The following SNAPC4 variants were observed in gnomAD, a reference collection of about 807,000 sequenced individuals.
SNAPC4 encodes the protein small nuclear RNA activating complex polypeptide 4, also known as snRNA-activating protein complex subunit 4.
SNAPC4 carries 127 observed loss-of-function variants against 151.3 expected under a neutral mutation model. That is an observed-to-expected ratio of 0.84 (90% confidence interval 0.73 to 0.97). The LOEUF is 0.97. Ranked by LOEUF, SNAPC4 falls within the 50% of genes least tolerant of loss-of-function variation. The pLI, the probability that SNAPC4 is intolerant of heterozygous loss-of-function variation, is 0.00. For synonymous variants in SNAPC4, 1,002 were observed against 824.4 expected (o/e 1.22, Z -3.69); for missense variants, 2,186 against 1,935.0 (o/e 1.13, Z -2.43).
intron 1 of SNAPC4, among the ~76,000 whole-genome samples, chr9:136,399,475 T>G (rs560565484): frequency 2.0e-5 from 3 of 152,270 alleles, no homozygotes; most frequent in Non-Finnish European, 4.4e-5. Context: ...TCTGGAAGCC[T>G]CACACGAGGC....
chr9:136,394,925 C>T, intron 5 of SNAPC4, 47 bp from the exon 6 acceptor site: 1 of 1,517,008 alleles, frequency 6.6e-7, no homozygotes, highest in Non-Finnish European at 9.1e-7. Context: ...ACATGTGCTC[C>T]CTGCAGGCCC....
At chr9:136,392,458 T>C in intron 9 of SNAPC4, 64 bp downstream of exon 9, 6 of 1,524,888 alleles carry the variant, frequency 3.9e-6, no homozygotes, top group Non-Finnish European at 5.4e-6. Context: ...CAATTCCAAC[T>C]GCACCCGGGC....
intron 7 of SNAPC4, 59 bp from the exon 8 acceptor site, chr9:136,392,836 T>C (rs1369050235): frequency 2.2e-6 from 3 of 1,374,954 alleles, no homozygotes; most frequent in Non-Finnish European, 3.1e-6. Flanking sequence ...GCGGGGCAGG[T>C]TCTCTGCACA....
Position 136,375,746 on chromosome 9 carries a change from G to C in SNAPC4, c.*62C>G, listed in dbSNP as rs979998560. ...CCTCTGGCTGCCTCTCTTGCAGGCTGGGGGTGGGCTGTCTCTCGTCAGCAG... is the reference window on the plus strand; with the variant it reads ...CCTCTGGCTGCCTCTCTTGCAGGCTCGGGGTGGGCTGTCTCTCGTCAGCAG... On this transcript the variant is annotated 3_prime_UTR_variant, in exon 24 of 24. Transcript: ENST00000684778. 6.6e-6 allele frequency: 1 copy of C among 152,292 alleles called. No individual in the cohort carries two copies. The allele number at this position is 152,292 out of a possible 1,614,324, so 9.4% of individuals were successfully genotyped here. A position where few individuals can be genotyped will look rare whatever the true frequency, so the allele number is the denominator to read the frequency against.
At position 136,381,391 on chromosome 9, in the gene SNAPC4, C is replaced by T. The variant is rs751195369; in HGVS notation, c.2319G>A (p.Ala773=). The stretch of plus-strand genomic sequence containing the variant: ...GCTGCAGCTGCTCCCTGAGGCCATC[C>T]GCTGCGGGCACAGGGGGATAAGTGG... ...SQRPAVVQTQ[A]DGLREQLQQA... The change falls in exon 19 of 24, where the codon GCG becomes GCA. Residue 773 remains alanine (A), a splice_region_variant and synonymous_variant. Transcript: ENST00000684778. 65 of 1,612,264 alleles carry T rather than the reference C, an allele frequency of 4.0e-5. No homozygotes were observed. Among genetic ancestry groups the T allele is most frequent in the East Asian group, 2.2e-4 (10 of 44,880 alleles).
Position 136,394,271 on chromosome 9 carries a change from A to G in SNAPC4, c.610T>C (p.Leu204=), listed in dbSNP as rs1377789311. ...TACTTCAGTAACTTGGGCTGAAGCA[A>G]TCGCTGCAGGCGGTCACTCACCACT... is the stretch of plus-strand genomic sequence containing the variant. ...KSVVSDRLQR[L]LQPKLLKLEY... is the part of the protein sequence containing the mutation. Residue 204 remains leucine, a synonymous_variant, in exon 7 of 24, where the codon TTG becomes CTG. Transcript: ENST00000684778. 3 of 1,613,896 alleles carry G rather than the reference A, an allele frequency of 1.9e-6. No individual in the cohort carries two copies. Among genetic ancestry groups the G allele is most frequent in the South Asian group, 2.2e-5 (2 of 91,090 alleles).
intron 23 of SNAPC4, 47 bp downstream of exon 23, chr9:136,376,300 ACT>A (rs1833442293): frequency 6.2e-7 from 1 of 1,602,358 alleles, no homozygotes; most frequent in Non-Finnish European, 8.5e-7. Context: ...TCTGGACACC[ACT>A]CTGTCCCCTG....
rs144874677 is a variant in SNAPC4 at position 136,377,887 on chromosome 9, G to C, written c.3940C>G (p.Leu1314Val). 6.2e-7 allele frequency: 1 copy of C among 1,611,472 alleles called. No homozygotes were observed. Among genetic ancestry groups the C allele is most frequent in the African/African-American group, 1.3e-5 (1 of 75,034 alleles). The stretch of plus-strand genomic sequence containing the variant: ...TTCTTGTGGAGTAGGAGACCGGACA[G>C]AGCTCGCAGGCTGCACAGGGCTGGG... ...QPPALCSLRA[L>V]SGLLLHKKAL... The change falls in exon 22 of 24, where the codon CTG becomes GTG. Residue 1314 changes from leucine to valine, a missense_variant. Physicochemically the swap from Leu to Val is conservative, Grantham distance 32 (BLOSUM62 1). Coordinates refer to ENST00000684778, the MANE Select transcript of SNAPC4 (RefSeq NM_003086.4).
rs73670250 is a variant in SNAPC4, at chr9:136,394,436, C to T, written c.551-106G>A. The T allele has an allele frequency of 1.7e-4, 160 of 966,234 alleles. No individual in the cohort carries two copies. The African/African-American group carries it at 2.2e-3, about 13-fold the overall frequency. 59.9% of individuals were successfully genotyped at this position (966,234 alleles called of 1,614,324 possible). On this transcript the variant is annotated intron_variant, in intron 6 of 23. Coordinates refer to ENST00000684778, the MANE Select transcript of SNAPC4 (RefSeq NM_003086.4). ...GAGGCAGTGGTGGGGGGCCCCACAG[C>T]GAGTAAGCAGCACGCCAGACCTACT...
intron 13 of SNAPC4, among the ~76,000 whole-genome samples, chr9:136,386,794 C>A (rs1833904877): frequency 6.6e-6 from 1 of 151,640 alleles, no homozygotes; most frequent in Non-Finnish European, 1.5e-5. Context: ...GCTCTGTCAC[C>A]CAGGCTGGAG....
chr9:136,378,052 G>T lies in SNAPC4; in HGVS notation c.3775C>A (p.Leu1259Ile). 6.3e-7 allele frequency: 1 copy of T among 1,578,698 alleles called. No homozygotes were observed. The highest frequency in any genetic ancestry group is 8.6e-7 in the Non-Finnish European group (1 of 1,163,140). Reference sequence around the variant, plus strand: ...CCCTTCTCAGGCCCAGGCTGGGGTAGGGGCGGCTTCTCCAGGTCCAGGGCC... The same window carrying T: ...CCCTTCTCAGGCCCAGGCTGGGGTATGGGCGGCTTCTCCAGGTCCAGGGCC... Reference protein sequence around the residue: ...KGALDLEKPPLPQPGPEKGAL... With the variant: ...KGALDLEKPPIPQPGPEKGAL... The change falls in exon 22 of 24, where the codon CTA becomes ATA. Residue 1259 changes from leucine to isoleucine, a missense_variant. By Grantham distance (5) the Leu-to-Ile change is conservative. Coordinates refer to ENST00000684778, the MANE Select transcript of SNAPC4 (RefSeq NM_003086.4).
At chr9:136,396,406 T>A (rs999853497) in intron 3 of SNAPC4, among the ~76,000 whole-genome samples, 3 of 152,262 alleles carry the variant, frequency 2.0e-5, no homozygotes, top group African/African-American at 7.2e-5. Flanking sequence ...CAGGTGCTGT[T>A]TGGGTGCTTG....
chr9:136,396,962 C>G lies in SNAPC4; in HGVS notation c.177+15G>C. The G allele has an allele frequency of 6.2e-7, 1 of 1,612,348 alleles. No individual in the cohort carries two copies. Among genetic ancestry groups the G allele is most frequent in the Non-Finnish European group, 8.5e-7 (1 of 1,179,374 alleles). On this transcript the variant is annotated intron_variant, in intron 3 of 23. Transcript: ENST00000684778. ...GCCTGACCCAGTGGCACAGCCAGAT[C>G]AGGCCAACAGTTACCGAGATCGGGG...
chr9:136,395,234 G>A, intron 5 of SNAPC4, 64 bp downstream of exon 5: 1 of 1,560,492 alleles, frequency 6.4e-7, no homozygotes, highest in Non-Finnish European at 8.7e-7. Flanking sequence ...AGCAGGACTT[G>A]GGGACAAGAA....
chr9:136,383,542 C>CGCTGCTGCT lies in SNAPC4; in HGVS notation c.1618_1626dup (p.Ser540_Ser542dup), dbSNP rs147271628. ...TGCGCCTGCTCTGGCTCGTCCTCCT[C>CGCTGCTGCT]GCTGCTGCTGCTGCTGCTGCTGCTG... On this transcript the variant is annotated inframe_insertion, in exon 16 of 24. Transcript: ENST00000684778. This position sits in a 1 kb window ranked among gnomAD's most constrained non-coding sequence, Gnocchi z 4.2. 2.5e-4 allele frequency: 395 copies of CGCTGCTGCT among 1,590,776 alleles called. No homozygotes were observed. The highest frequency in any genetic ancestry group is 1.7e-3 in the African/African-American group (123 of 74,448).
intron 7 of SNAPC4, among the ~76,000 whole-genome samples, chr9:136,393,625 C>T (rs1450881183): frequency 6.6e-6 from 1 of 152,106 alleles, no homozygotes; most frequent in Non-Finnish European, 1.5e-5. Context: ...CACCCCTCAT[C>T]ATGGCCGTGT....
chr9:136,399,807 AC>A (rs1834392231), intron 1 of SNAPC4, among the ~76,000 whole-genome samples: 1 of 151,978 alleles, frequency 6.6e-6, no homozygotes, highest in Non-Finnish European at 1.5e-5. Flanking sequence ...AACTGGGGAA[AC>A]CCCCTCCGAG....
chr9:136,380,035 C>T (rs1045790075), intron 20 of SNAPC4, among the ~76,000 whole-genome samples, 171 bp from the exon 21 acceptor site: 8 of 152,222 alleles, frequency 5.3e-5, no homozygotes, highest in African/African-American at 1.7e-4. Flanking sequence ...ACAGAAGGAG[C>T]CAAGCATGTG....
chr9:136,399,912 C>A (rs1307388232), intron 1 of SNAPC4, among the ~76,000 whole-genome samples: 1 of 152,124 alleles, frequency 6.6e-6, no homozygotes, highest in Non-Finnish European at 1.5e-5. Context: ...TCGGAGCCCG[C>A]AGCCCGCTCC....
Sources: allele counts gnomAD v4.1 joint callset (sites outside exome capture counted in the v4.1 genomes callset), GRCh38; gene constraint gnomAD v4.1.1; non-coding constraint Gnocchi (gnomAD v3.1); transcripts MANE v1.5; gene names NCBI Gene and HGNC (gene_info 2026-07-23, HGNC 2026-07-21).